Variants in OLFM3 observed in about 807,000 individuals in gnomAD.
OLFM3 encodes olfactomedin 3.
In OLFM3, 20 loss-of-function variants were observed where a neutral mutation model predicts 48.6. That is an observed-to-expected ratio of 0.41 (90% CI 0.29 to 0.60). The LOEUF (loss-of-function observed/expected upper bound fraction) is 0.60. Ranked by LOEUF, OLFM3 falls within the 20% of genes least tolerant of loss-of-function variation. OLFM3 has a pLI of 0.28. For synonymous variants in OLFM3, 222 were observed against 198.1 expected (o/e 1.12, Z -1.01); for missense variants, 437 against 544.3 (o/e 0.80, Z 1.96).
At chr1:101,992,522 T>A (rs1183640354) in intron 1 of OLFM3, among the ~76,000 whole-genome samples, 1 of 152,132 alleles carries the variant, frequency 6.6e-6, no homozygotes, top group Non-Finnish European at 1.5e-5. Flanking sequence ...TTTGAGTTGA[T>A]CCTGTTATGA....
chr1:101,933,888 T>A (rs1298739394), intron 1 of OLFM3, among the ~76,000 whole-genome samples: 6 of 152,160 alleles, frequency 3.9e-5, no homozygotes, highest in Admixed American at 2.0e-4. Context: ...GAAGAAGAAA[T>A]AAAATCCTTT....
chr1:101,836,932 T>A lies in OLFM3; in HGVS notation c.163A>T (p.Asn55Tyr), dbSNP rs1407022130. 2 of 1,614,042 alleles carry A rather than the reference T, an allele frequency of 1.2e-6. No individual in the cohort carries two copies. The highest frequency in any genetic ancestry group is 2.7e-5 in the African/African-American group (2 of 74,920). Reference sequence around the variant, plus strand: ...CTTTTGGCATCCCGGGAACACAGGTTTTGTTCTGGAGCAACAACTGTGCAA... The same window carrying A: ...CTTTTGGCATCCCGGGAACACAGGTATTGTTCTGGAGCAACAACTGTGCAA... ...CICTVVAPEQNLCSRDAKSRQ... is the reference protein window; with the variant it reads ...CICTVVAPEQYLCSRDAKSRQ... The change falls in exon 2 of 6, where the codon AAC (asparagine) becomes TAC (tyrosine). Residue 55 changes from asparagine (N) to tyrosine (Y), a missense_variant. By Grantham distance (143) the Asn-to-Tyr change is moderately radical. This residue lies in a region of OLFM3 where 314 missense variants were observed against 365.5 expected (regional missense o/e 0.86). Transcript: ENST00000370103.
At chr1:101,853,784 T>C (rs1056154528) in intron 1 of OLFM3, among the ~76,000 whole-genome samples, 6 of 152,098 alleles carry the variant, frequency 3.9e-5, no homozygotes, top group African/African-American at 1.4e-4. Context: ...GTGTGCATGA[T>C]GGACCTATAC....
Position 101,804,797 on chromosome 1 carries a change from G to T in OLFM3, c.818C>A (p.Thr273Asn), listed in dbSNP as rs1346900555. 1 of 1,612,608 alleles carries T rather than the reference G, an allele frequency of 6.2e-7. No homozygotes were observed. ...TGAGCCATTGTAGACAACATGGTTA[G>T]TTCCTGCCCACTTGAAAGGAAGGTT... is the stretch of plus-strand genomic sequence containing the variant. Reference protein sequence around the residue: ...TYNLPFKWAGTNHVVYNGSLY... With the variant: ...TYNLPFKWAGNNHVVYNGSLY... Residue 273 changes from threonine to asparagine, a missense_variant, in exon 6 of 6, where the codon ACT becomes AAT. Around this residue, in one of 3 missense-constraint regions of OLFM3, gnomAD observed 314 missense variants for 365.5 expected, o/e 0.86. Transcript: ENST00000370103. This position sits in a 1 kb window ranked among gnomAD's most constrained non-coding sequence, Gnocchi z 4.5.
At chr1:101,987,418 T>C (rs1661273886) in intron 1 of OLFM3, among the ~76,000 whole-genome samples, 1 of 152,172 alleles carries the variant, frequency 6.6e-6, no homozygotes, top group African/African-American at 2.4e-5. Context: ...ATAAGTATAA[T>C]AAGAGGTCTT....
At chr1:101,948,513 T>A (rs1490720042) in intron 1 of OLFM3, among the ~76,000 whole-genome samples, 1 of 152,148 alleles carries the variant, frequency 6.6e-6, no homozygotes, top group Non-Finnish European at 1.5e-5. Flanking sequence ...TTAGGTAATT[T>A]TTTTTGCCAA....
rs538161759 is a variant in OLFM3 at position 101,901,497 on chromosome 1, G to C, written c.70-64472C>G. Among the ~76,000 whole-genome samples the C allele has an allele frequency of 3.9e-5, 6 of 152,050 alleles. No individual in the cohort carries two copies. The South Asian group carries it at 1.2e-3, about 32-fold the overall frequency. Reference sequence around the variant, plus strand: ...GAATAAGGCTACAGGAATAAGAGTCGGGACTTAAATGAGTCTGAAAGTTTT... The same window carrying C: ...GAATAAGGCTACAGGAATAAGAGTCCGGACTTAAATGAGTCTGAAAGTTTT... On this transcript the variant is annotated intron_variant, in intron 1 of 5. Transcript: ENST00000370103.
intron 1 of OLFM3, among the ~76,000 whole-genome samples, chr1:101,965,305 T>C (rs886905372): frequency 2.0e-5 from 3 of 152,142 alleles, no homozygotes; most frequent in Non-Finnish European, 4.4e-5. Context: ...TAAAATGTTG[T>C]AGAATTAAAA....
At chr1:101,902,223 T>C (rs536289717) in intron 1 of OLFM3, among the ~76,000 whole-genome samples, 10 of 151,962 alleles carry the variant, frequency 6.6e-5, no homozygotes, top group Non-Finnish European at 1.2e-4. Context: ...AGGACAACCA[T>C]AGTTAGGAGA....
In OLFM3 at chr1:101,914,513, C is replaced by T. The variant is rs144966186; in HGVS notation, c.70-77488G>A. On this transcript the variant is annotated intron_variant, in intron 1 of 5. Coordinates refer to ENST00000370103, the MANE Select transcript of OLFM3 (RefSeq NM_058170.4). ...AGAGCTTAACCTGACTTATTTCCCACCTAAATTTCTCAGTTTTTAGAATAC... is the reference window on the plus strand; with the variant it reads ...AGAGCTTAACCTGACTTATTTCCCATCTAAATTTCTCAGTTTTTAGAATAC... Among the ~76,000 whole-genome samples the T allele has an allele frequency of 3.2e-3, 491 of 152,272 alleles. 2 individuals are homozygous for T. The highest frequency in any genetic ancestry group is 0.011 in the African/African-American group (456 of 41,544).
chr1:101,910,971 T>C (rs1482093430), intron 1 of OLFM3, among the ~76,000 whole-genome samples: 3 of 152,190 alleles, frequency 2.0e-5, no homozygotes, highest in Admixed American at 2.0e-4. Flanking sequence ...ATTCACTCAA[T>C]AGAGTTATTA....
intron 1 of OLFM3, among the ~76,000 whole-genome samples, chr1:101,914,139 A>G (rs1328501748): frequency 2.6e-5 from 4 of 152,154 alleles, no homozygotes; most frequent in African/African-American, 9.7e-5. Flanking sequence ...TAAACCTTAA[A>G]ATGTTTATTA....
chr1:101,985,904 A>G (rs1661220034), intron 1 of OLFM3, among the ~76,000 whole-genome samples: 1 of 152,110 alleles, frequency 6.6e-6, no homozygotes, highest in Non-Finnish European at 1.5e-5. Flanking sequence ...TTTTACCTTT[A>G]ACTTAACCAA....
rs118069393 is a variant in OLFM3, at chr1:101,857,915, C to T, written c.70-20890G>A. 4.3e-3 allele frequency among the ~76,000 whole-genome samples: 655 copies of T among 152,104 alleles called. 17 individuals carry two copies. Among genetic ancestry groups the T allele is most frequent in the Admixed American group, 0.036 (549 of 15,274 alleles). On this transcript the variant is annotated intron_variant, in intron 1 of 5. Transcript: ENST00000370103. ...TTCATATTTGGAACATTTGATTTAC[C>T]TCTCCACTCATTCAACACTGTTTTA...
chr1:101,973,121 A>G (rs558209835), intron 1 of OLFM3, among the ~76,000 whole-genome samples: 1 of 152,380 alleles, frequency 6.6e-6, no homozygotes, highest in African/African-American at 2.4e-5. Flanking sequence ...ATATAGATAT[A>G]TGAGAAGTGA....
At chr1:101,893,154 C>G in intron 1 of OLFM3, 1 of 252,640 alleles carries the variant, frequency 4.0e-6, no homozygotes, top group Non-Finnish European at 7.8e-6. Flanking sequence ...TGTACACCAG[C>G]TCTCAGTAAC....
intron 1 of OLFM3, among the ~76,000 whole-genome samples, chr1:101,839,687 T>G (rs1351868417): frequency 5.3e-5 from 8 of 152,212 alleles, no homozygotes; most frequent in African/African-American, 1.9e-4. Context: ...CTAACTAGTG[T>G]GGAGCTCATC....
rs371236863 is a variant in OLFM3 at position 101,990,304 on chromosome 1, G to A, written c.69+6444C>T. On this transcript the variant is annotated intron_variant, in intron 1 of 5. Transcript: ENST00000370103. Reference sequence around the variant, plus strand: ...TACAATATTCATTTTTCACAAAGCTGAGAAGAGGAAACAGCAAGAGTGAAG... The same window carrying A: ...TACAATATTCATTTTTCACAAAGCTAAGAAGAGGAAACAGCAAGAGTGAAG... Among the ~76,000 whole-genome samples the A allele has an allele frequency of 9.2e-5, 14 of 152,324 alleles. 1 individual carries two copies. Among genetic ancestry groups the A allele is most frequent in the Admixed American group, 6.5e-4 (10 of 15,300 alleles).
chr1:101,913,730 C>T (rs1470113564), intron 1 of OLFM3, among the ~76,000 whole-genome samples: 1 of 151,022 alleles, frequency 6.6e-6, no homozygotes, highest in South Asian at 2.1e-4. Flanking sequence ...GTCAAAAAGA[C>T]TGATATCCCT....
Sources: allele counts gnomAD v4.1 joint callset (sites outside exome capture counted in the v4.1 genomes callset), GRCh38; gene constraint gnomAD v4.1.1; regional missense constraint gnomAD v4.1.1; non-coding constraint Gnocchi (gnomAD v3.1); transcripts MANE v1.5; gene names NCBI Gene and HGNC (gene_info 2026-07-23, HGNC 2026-07-21).